The following ANKRD33B variants were observed in gnomAD, a reference collection of about 807,000 sequenced individuals.
ANKRD33B encodes the protein ankyrin repeat domain-containing protein 33B.
A neutral mutation model predicts 21.5 loss-of-function variants in ANKRD33B; 6 were observed. The observed-to-expected ratio is 0.28, with a 90% CI of 0.15 to 0.55. ANKRD33B has a LOEUF of 0.55. ANKRD33B is among the 20% of genes least tolerant of loss of function. ANKRD33B has a pLI of 0.94. For missense variants in ANKRD33B, 698 were observed against 747.2 expected (o/e 0.93, Z 0.77); for synonymous variants, 347 against 342.4 (o/e 1.01, Z -0.15).
chr5:10,573,057 A>C (rs554984606), intron 1 of ANKRD33B, among the ~76,000 whole-genome samples: 1 of 152,352 alleles, frequency 6.6e-6, no homozygotes, highest in East Asian at 1.9e-4. Flanking sequence ...ATCAGTTGCC[A>C]CTGAGCCAGC....
chr5:10,569,322 C>T lies in ANKRD33B; in HGVS notation c.366+4489C>T, dbSNP rs1176291531. The stretch of plus-strand genomic sequence containing the variant: ...TTTTAGGAATGTATGTTAGGCTGGG[C>T]GTGGTGGCTCCTTCCTGTAATCCCA... On this transcript the variant is annotated intron_variant, in intron 1 of 3. Transcript: ENST00000296657. 4.6e-5 allele frequency among the ~76,000 whole-genome samples: 7 copies of T among 152,232 alleles called. No homozygotes were observed. In the South Asian group the frequency reaches 1.0e-3, roughly 23 times the overall value.
At chr5:10,647,386 G>A (rs1737212463) in intron 3 of ANKRD33B, among the ~76,000 whole-genome samples, 1 of 152,196 alleles carries the variant, frequency 6.6e-6, no homozygotes, top group Non-Finnish European at 1.5e-5. Flanking sequence ...TAGGATTACA[G>A]GTGTGAGCCA....
At chr5:10,641,773 G>T (rs1279531577) in intron 3 of ANKRD33B, among the ~76,000 whole-genome samples, 1 of 150,916 alleles carries the variant, frequency 6.6e-6, no homozygotes, top group East Asian at 1.9e-4. Context: ...GAGAATAGAG[G>T]CTTCAAAGAT....
At chr5:10,618,507 C>T in intron 2 of ANKRD33B, 45 bp downstream of exon 2, 1 of 1,481,054 alleles carries the variant, frequency 6.8e-7, no homozygotes. Flanking sequence ...GTGGCCAGAG[C>T]ACCGCCGCCG....
chr5:10,574,837 T>G, intron 1 of ANKRD33B, among the ~76,000 whole-genome samples: 1 of 74,328 alleles, frequency 1.3e-5, no homozygotes, highest in Non-Finnish European at 3.3e-5. Context: ...CCCAGCACTT[T>G]GGGAGGCTGA....
intron 3 of ANKRD33B, among the ~76,000 whole-genome samples, chr5:10,647,814 T>A (rs1329599886): frequency 1.3e-5 from 2 of 152,222 alleles, no homozygotes; most frequent in African/African-American, 4.8e-5. Context: ...TTGCTCTTAA[T>A]GCCCTCAACT....
intron 2 of ANKRD33B, among the ~76,000 whole-genome samples, chr5:10,622,677 A>C (rs1308166424): frequency 6.6e-6 from 1 of 152,210 alleles, no homozygotes; most frequent in Non-Finnish European, 1.5e-5. Context: ...GGCACTAGAC[A>C]ACCGGGGAGC....
chr5:10,570,378 T>G (rs13360931), intron 1 of ANKRD33B, among the ~76,000 whole-genome samples: 5 of 152,258 alleles, frequency 3.3e-5, no homozygotes, highest in African/African-American at 1.2e-4. Context: ...AAAACAGTCT[T>G]AACTGGGAGG....
In ANKRD33B at chr5:10,655,431, C is replaced by G. The variant is rs114047855; in HGVS notation, c.*5318C>G. On this transcript the variant is annotated 3_prime_UTR_variant, in exon 4 of 4. Coordinates refer to ENST00000296657, the MANE Select transcript of ANKRD33B (RefSeq NM_001164440.2). ...CGCCTCCAAGAGCACTACACTCCCC[C>G]CAGCCCCACCGGCCACACTACATGA... 307 of 152,542 alleles carry G rather than the reference C, an allele frequency of 2.0e-3. 1 individual carries two copies. The highest frequency in any genetic ancestry group is 7.0e-3 in the African/African-American group (292 of 41,580). The allele number at this position is 152,542 out of a possible 1,614,324, so 9.4% of individuals were successfully genotyped here.
At chr5:10,567,185 G>T (rs183189703) in intron 1 of ANKRD33B, among the ~76,000 whole-genome samples, 6 of 152,272 alleles carry the variant, frequency 3.9e-5, no homozygotes, top group Non-Finnish European at 7.4e-5. Flanking sequence ...TGAGGCCAGT[G>T]GGGGGAGCGA....
intron 1 of ANKRD33B, among the ~76,000 whole-genome samples, chr5:10,573,106 C>T (rs563199222): frequency 2.3e-4 from 35 of 152,316 alleles, no homozygotes; most frequent in African/African-American, 8.4e-4. Context: ...ATTTCTGTAT[C>T]TCTGACTTAG....
At chr5:10,592,292 T>A (rs1302191810) in intron 1 of ANKRD33B, among the ~76,000 whole-genome samples, 2 of 152,002 alleles carry the variant, frequency 1.3e-5, no homozygotes, top group African/African-American at 2.4e-5. Flanking sequence ...CTTATTTTTG[T>A]TAAACAGAGC....
At chr5:10,641,225 C>CTTCTTCTTCTTTTTTTTTT (rs1553995125) in intron 3 of ANKRD33B, among the ~76,000 whole-genome samples, 8 of 77,450 alleles carry the variant, frequency 1.0e-4, no homozygotes, top group Non-Finnish European at 1.4e-4. Context: ...TCTTCTTCTT[C>CTTCTTCTTCTTTTTTTTTT]TTTTTTTTTT....
chr5:10,617,534 C>T (rs1295549764), intron 1 of ANKRD33B, among the ~76,000 whole-genome samples: 1 of 152,242 alleles, frequency 6.6e-6, no homozygotes, highest in Non-Finnish European at 1.5e-5. Context: ...GGTGTGACAC[C>T]ATCCTTGCCT....
intron 1 of ANKRD33B, among the ~76,000 whole-genome samples, chr5:10,580,853 C>T (rs1735429996): frequency 6.6e-6 from 1 of 152,234 alleles, no homozygotes; most frequent in South Asian, 2.1e-4. Flanking sequence ...TGGTTCTTTC[C>T]CTCCTTTTCA....
At chr5:10,586,015 G>A (rs1201723613) in intron 1 of ANKRD33B, among the ~76,000 whole-genome samples, 1 of 152,226 alleles carries the variant, frequency 6.6e-6, no homozygotes, top group Non-Finnish European at 1.5e-5. Flanking sequence ...CCAACAGGCA[G>A]CAACATAGGC....
At chr5:10,622,801 TTATTTTA>T (rs767440846) in intron 2 of ANKRD33B, among the ~76,000 whole-genome samples, 3 of 147,178 alleles carry the variant, frequency 2.0e-5, no homozygotes, top group Admixed American at 6.7e-5. Flanking sequence ...TTGCTTTATT[TTATTTTA>T]TTTTTTTTTT....
chr5:10,640,021 GCGATGT>G (rs1737000015), intron 3 of ANKRD33B, among the ~76,000 whole-genome samples: 1 of 88,056 alleles, frequency 1.1e-5, no homozygotes, highest in Admixed American at 1.2e-4. Context: ...GAGTTGCGCG[GCGATGT>G]TAGCGGGTGA....
chr5:10,650,213 T>A lies in ANKRD33B; in HGVS notation c.*100T>A. On this transcript the variant is annotated 3_prime_UTR_variant, in exon 4 of 4. Transcript: ENST00000296657. ...CGGCCCCGTTGCGCATCGCACCACT[T>A]CCGCTCCATGGACCACGGGGCTGCG... The A allele has an allele frequency of 7.8e-7, 1 of 1,276,852 alleles. No homozygotes were observed. Among genetic ancestry groups the A allele is most frequent in the Non-Finnish European group, 1.0e-6 (1 of 980,836 alleles). 79.1% of individuals were successfully genotyped at this position (1,276,852 alleles called of 1,614,324 possible).
Sources: gnomAD v4.1 joint callset for allele counts (sites outside exome capture counted in the v4.1 genomes callset) on GRCh38, gnomAD v4.1.1 for gene constraint, MANE v1.5 for transcripts, NCBI Gene and HGNC (gene_info 2026-07-23, HGNC 2026-07-21) for gene names.